EFR3B: variants seen among roughly 807,000 people sequenced by gnomAD.
EFR3B encodes the protein EFR3 homolog B.
EFR3B carries 64 observed loss-of-function variants against 104.7 expected under a neutral mutation model. That is an observed-to-expected ratio of 0.61 (90% CI 0.50 to 0.75). The LOEUF is 0.75. Ranked by LOEUF, EFR3B falls within the 30% of genes least tolerant of loss-of-function variation. The pLI is 0.00. For missense variants in EFR3B, 750 were observed against 1,078.5 expected (o/e 0.70, Z 4.27); for synonymous variants, 385 against 417.9 (o/e 0.92, Z 0.96).
intron 22 of EFR3B, 147 bp downstream of exon 22, chr2:25,153,908 C>A: frequency 1.1e-6 from 1 of 879,022 alleles, no homozygotes; most frequent in Non-Finnish European, 1.8e-6. Flanking sequence ...CTGGAGTCAG[C>A]CACCAACTCT....
chr2:25,092,561 C>T (rs1669158130), intron 2 of EFR3B, among the ~76,000 whole-genome samples: 1 of 151,994 alleles, frequency 6.6e-6, no homozygotes, highest in Non-Finnish European at 1.5e-5. Flanking sequence ...TTCTTTTTCT[C>T]CCCCCGAGAC....
intron 1 of EFR3B, among the ~76,000 whole-genome samples, chr2:25,090,301 G>A (rs1016664502): frequency 2.0e-4 from 31 of 152,354 alleles, no homozygotes; most frequent in African/African-American, 7.5e-4. Context: ...CGCCCCCTCA[G>A]TGAGGGGTGA....
At chr2:25,116,754 C>A (rs1245320399) in intron 4 of EFR3B, among the ~76,000 whole-genome samples, 3 of 151,890 alleles carry the variant, frequency 2.0e-5, no homozygotes, top group Non-Finnish European at 4.4e-5. Flanking sequence ...GTGAGGTTAG[C>A]AGCTGTGGCT....
chr2:25,092,896 A>T (rs1669172015), intron 2 of EFR3B, 107 bp from the exon 3 acceptor site: 1 of 1,388,570 alleles, frequency 7.2e-7, no homozygotes, highest in South Asian at 1.4e-5. Flanking sequence ...ACATCCATAA[A>T]GGACACTCTG....
chr2:25,095,119 C>T (rs1669242295), intron 3 of EFR3B, among the ~76,000 whole-genome samples: 1 of 152,050 alleles, frequency 6.6e-6, no homozygotes, highest in African/African-American at 2.4e-5. Flanking sequence ...ATACAGTCTA[C>T]CTTCACACAC....
At chr2:25,122,776 T>C (rs1340915283) in intron 5 of EFR3B, among the ~76,000 whole-genome samples, 1 of 152,110 alleles carries the variant, frequency 6.6e-6, no homozygotes, top group African/African-American at 2.4e-5. Flanking sequence ...ACATGTTTCA[T>C]ACATTACTCT....
chr2:25,133,103 G>A lies in EFR3B; in HGVS notation c.1259+89G>A. On this transcript the variant is annotated intron_variant, in intron 11 of 22. Transcript: ENST00000403714. ...TCCTTTATCCCTCTTAATTTTCTTGGCTCTGCCCTCTGCTCTCTTTTTACT... is the reference window on the plus strand; with the variant it reads ...TCCTTTATCCCTCTTAATTTTCTTGACTCTGCCCTCTGCTCTCTTTTTACT... The A allele has an allele frequency of 2.4e-6, 3 of 1,251,590 alleles. No homozygotes were observed. In the South Asian group the frequency reaches 4.0e-5, roughly 17 times the overall value. 77.5% of individuals were successfully genotyped at this position (1,251,590 alleles called of 1,614,324 possible).
At chr2:25,100,483 T>A (rs1471172244) in intron 3 of EFR3B, among the ~76,000 whole-genome samples, 1 of 152,164 alleles carries the variant, frequency 6.6e-6, no homozygotes, top group African/African-American at 2.4e-5. Flanking sequence ...TTCTGCTTAC[T>A]TTACCTCCCC....
intron 5 of EFR3B, among the ~76,000 whole-genome samples, chr2:25,126,733 CTATAT>C (rs1670178872): frequency 6.6e-6 from 1 of 151,734 alleles, no homozygotes; most frequent in African/African-American, 2.4e-5. Flanking sequence ...TGAGCTCAAG[CTATAT>C]ACTGGCCTTG....
intron 2 of EFR3B, among the ~76,000 whole-genome samples, chr2:25,092,763 C>T (rs901237022): frequency 4.6e-5 from 7 of 151,208 alleles, no homozygotes; most frequent in South Asian, 2.1e-4. Context: ...TTGGCCAGGC[C>T]GGTCTCAAAC....
In EFR3B at chr2:25,137,475, C is replaced by T. The variant is rs1262326606; in HGVS notation, c.1695C>T (p.Asp565=). 1 of 1,551,694 alleles carries T rather than the reference C, an allele frequency of 6.4e-7. No homozygotes were observed. Among genetic ancestry groups the T allele is most frequent in the Non-Finnish European group, 8.7e-7 (1 of 1,146,996 alleles). ...IELANEEVVV[D]LIRLVLAVQD... is the part of the protein sequence containing the mutation. The stretch of plus-strand genomic sequence containing the variant: ...TGGCTAACGAGGAGGTGGTGGTGGA[C>T]CTCATCCGTCTGGTGCTGGCTGTTC... Residue 565 remains aspartate (D), a synonymous_variant, in exon 15 of 23, where the codon GAC becomes GAT. Transcript: ENST00000403714. The surrounding 1 kb of genome is among the most constrained non-coding windows in gnomAD (Gnocchi z 4.7).
At chr2:25,139,315 A>C in intron 16 of EFR3B, 125 bp downstream of exon 16, 2 of 1,207,114 alleles carry the variant, frequency 1.7e-6, no homozygotes, top group Admixed American at 3.0e-5. Context: ...TGAAGTAAGA[A>C]CCACTAATGG....
At position 25,103,661 on chromosome 2, in the gene EFR3B, T is replaced by A. The variant is rs1394626683; in HGVS notation, c.237T>A (p.Ala79=). 1.9e-6 allele frequency: 3 copies of A among 1,551,568 alleles called. No homozygotes were observed. In the East Asian group the frequency reaches 7.3e-5, roughly 38 times the overall value. The change falls in exon 4 of 23, where the codon GCT becomes GCA. Residue 79 remains alanine (A), a synonymous_variant. Transcript: ENST00000403714. ...RYGYVCIAME[A]LDQLLMACHC... ...GGTACGTGTGCATTGCTATGGAGGC[T>A]TTGGACCAGCTGCTCATGGCCTGCC...
Position 25,137,230 on chromosome 2 carries a change from G to A in EFR3B, c.1561-111G>A, listed in dbSNP as rs1464257228. The A allele has an allele frequency of 2.4e-6, 3 of 1,270,316 alleles. No homozygotes were observed. In the East Asian group the frequency reaches 7.6e-5, roughly 32 times the overall value. The allele number at this position is 1,270,316 out of a possible 1,614,324, so 78.7% of individuals were successfully genotyped here. The stretch of plus-strand genomic sequence containing the variant: ...AAGGCATCCCCTCCCCAAGGGAGGA[G>A]GGGGCACACAGCCATCCTGCCCCCC... On this transcript the variant is annotated intron_variant, in intron 14 of 22. Transcript: ENST00000403714. The surrounding 1 kb of genome is among the most constrained non-coding windows in gnomAD (Gnocchi z 4.7).
intron 3 of EFR3B, among the ~76,000 whole-genome samples, chr2:25,096,273 C>A (rs1669274029): frequency 6.6e-6 from 1 of 152,158 alleles, no homozygotes; most frequent in African/African-American, 2.4e-5. Flanking sequence ...CTCAGCCTCC[C>A]AAAATGCTGG....
At position 25,093,106 on chromosome 2, in the gene EFR3B, G is replaced by A. The variant is rs1387648032; in HGVS notation, c.188G>A (p.Arg63His). ...IGAYLSERLIRDVGRHRYGYV... is the reference protein window; with the variant it reads ...IGAYLSERLIHDVGRHRYGYV... ...GCCTACCTCTCTGAGAGGCTCATCCGTGACGTGGGTCGCCATCGATATGGG... is the reference window on the plus strand; with the variant it reads ...GCCTACCTCTCTGAGAGGCTCATCCATGACGTGGGTCGCCATCGATATGGG... The change falls in exon 3 of 23, where the codon CGT (arginine) becomes CAT (histidine). Residue 63 changes from arginine to histidine, a missense_variant. Coordinates refer to ENST00000403714, the MANE Select transcript of EFR3B (RefSeq NM_014971.2). 8.4e-6 allele frequency: 13 copies of A among 1,551,784 alleles called. No homozygotes were observed. The highest frequency in any genetic ancestry group is 8.2e-5 in the African/African-American group (6 of 73,032).
intron 1 of EFR3B, among the ~76,000 whole-genome samples, chr2:25,087,647 AT>A (rs1668993800): frequency 1.3e-5 from 2 of 151,838 alleles, no homozygotes; most frequent in Admixed American, 1.3e-4. Flanking sequence ...TAGTTTTTGT[AT>A]TTTTAGTAGA....
At chr2:25,077,421 G>A (rs1050870232) in intron 1 of EFR3B, among the ~76,000 whole-genome samples, 3 of 152,158 alleles carry the variant, frequency 2.0e-5, no homozygotes, top group Non-Finnish European at 2.9e-5. Context: ...CTGAGTAGCT[G>A]GGATTATAGG....
intron 1 of EFR3B, among the ~76,000 whole-genome samples, chr2:25,046,982 C>G (rs1021922825): frequency 2.6e-5 from 4 of 152,184 alleles, no homozygotes; most frequent in African/African-American, 7.2e-5. Context: ...TGTGCCCTTC[C>G]CCCTCCCACC....
Sources: allele counts gnomAD v4.1 joint callset (sites outside exome capture counted in the v4.1 genomes callset), GRCh38; gene constraint gnomAD v4.1.1; non-coding constraint Gnocchi (gnomAD v3.1); transcripts MANE v1.5; gene names NCBI Gene and HGNC (gene_info 2026-07-23, HGNC 2026-07-21).